The following GPR155 variants were observed in gnomAD, a reference collection of about 807,000 sequenced individuals.
The protein encoded by GPR155 is G protein-coupled receptor 155.
GPR155 carries 65 observed loss-of-function variants against 93.1 expected under a neutral mutation model. The ratio of observed to expected loss-of-function variants is 0.70; its 90% CI spans 0.57 to 0.86. GPR155 has a LOEUF of 0.86. GPR155 is among the 40% of genes least tolerant of loss of function. The pLI is 0.00. For synonymous variants in GPR155, 319 were observed against 360.1 expected (o/e 0.89, Z 1.29); for missense variants, 838 against 1,034.8 (o/e 0.81, Z 2.61).
chr2:174,482,384 C>T (rs191433007), intron 1 of GPR155, among the ~76,000 whole-genome samples: 4 of 152,272 alleles, frequency 2.6e-5, no homozygotes, highest in African/African-American at 9.6e-5. Context: ...CACACATAGT[C>T]TCCGCTGAAT....
chr2:174,451,495 C>T (rs185575605), intron 11 of GPR155, among the ~76,000 whole-genome samples: 28 of 151,972 alleles, frequency 1.8e-4, no homozygotes, highest in Non-Finnish European at 3.1e-4. Context: ...TCTAATTTGC[C>T]CATGGTTTAA....
At chr2:174,480,811 C>G (rs1392517011) in intron 2 of GPR155, among the ~76,000 whole-genome samples, 3 of 151,980 alleles carry the variant, frequency 2.0e-5, no homozygotes, top group African/African-American at 7.3e-5. Context: ...ACTCTGTCAC[C>G]CAGGCTGGAG....
At chr2:174,469,940 C>A (rs1174718453) in intron 4 of GPR155, among the ~76,000 whole-genome samples, 1 of 152,192 alleles carries the variant, frequency 6.6e-6, no homozygotes, top group Non-Finnish European at 1.5e-5. Flanking sequence ...TAACTCACTG[C>A]AACCTCTGCC....
At chr2:174,465,065 T>A (rs957589865) in intron 7 of GPR155, among the ~76,000 whole-genome samples, 1 of 152,224 alleles carries the variant, frequency 6.6e-6, no homozygotes, top group African/African-American at 2.4e-5. Context: ...CCAGAATGCA[T>A]GCATCCACAT....
In GPR155 at chr2:174,460,029, C is replaced by T. The variant is rs1227198877; in HGVS notation, c.1620G>A (p.Met540Ile). The change falls in exon 10 of 16, where the codon ATG becomes ATA. Residue 540 changes from methionine (M) to isoleucine (I), a missense_variant. Around this residue, in one of 3 missense-constraint regions of GPR155, gnomAD observed 663 missense variants for 790.1 expected, o/e 0.84. Transcript: ENST00000392552. ...CSILIAGISL[M>I]CMNQTAQAGS... ...CTGCTTGGGCAGTCTGGTTCATGCA[C>T]ATGAGGGATATGCCAGCTATCAGGA... The T allele has an allele frequency of 6.2e-7, 1 of 1,613,522 alleles. No individual in the cohort carries two copies. The highest frequency in any genetic ancestry group is 8.5e-7 in the Non-Finnish European group (1 of 1,179,990).
intron 3 of GPR155, among the ~76,000 whole-genome samples, chr2:174,471,568 A>G (rs939519784): frequency 4.6e-5 from 7 of 152,068 alleles, no homozygotes; most frequent in African/African-American, 1.4e-4. Flanking sequence ...ATTATTAAAC[A>G]AATTTTTCAG....
chr2:174,456,571 A>C (rs1187037839), intron 10 of GPR155, among the ~76,000 whole-genome samples: 1 of 152,184 alleles, frequency 6.6e-6, no homozygotes, highest in African/African-American at 2.4e-5. Flanking sequence ...CCAAAGTGCT[A>C]GAATTACAGG....
intron 1 of GPR155, among the ~76,000 whole-genome samples, chr2:174,485,430 C>T (rs1440201978): frequency 6.6e-6 from 1 of 152,112 alleles, no homozygotes; most frequent in East Asian, 1.9e-4. Flanking sequence ...AACCCTGTCT[C>T]TACTAAAAAG....
intron 5 of GPR155, among the ~76,000 whole-genome samples, 172 bp from the exon 6 acceptor site, chr2:174,466,799 T>C (rs1399806949): frequency 6.6e-6 from 1 of 152,190 alleles, no homozygotes; most frequent in Non-Finnish European, 1.5e-5. Context: ...TTATAACCAA[T>C]GTAAAATAAC....
chr2:174,454,809 G>GA (rs1687456848), intron 10 of GPR155, among the ~76,000 whole-genome samples: 9 of 150,206 alleles, frequency 6.0e-5, no homozygotes, highest in African/African-American at 2.0e-4. Context: ...GAAGGGAAGG[G>GA]AAGGAAGGGA....
intron 13 of GPR155, 108 bp from the exon 14 acceptor site, chr2:174,442,291 T>G: frequency 1.5e-6 from 1 of 651,604 alleles, no homozygotes; most frequent in Non-Finnish European, 2.8e-6. Flanking sequence ...AAACCTATAG[T>G]GACAAGAGCA....
At chr2:174,447,333 A>C (rs1040374068) in intron 11 of GPR155, among the ~76,000 whole-genome samples, 2 of 147,984 alleles carry the variant, frequency 1.4e-5, no homozygotes, top group African/African-American at 2.5e-5. Context: ...AATTAAAAAA[A>C]ATAATAAAAA....
chr2:174,458,191 G>T (rs1271207355), intron 10 of GPR155, among the ~76,000 whole-genome samples: 1 of 152,154 alleles, frequency 6.6e-6, no homozygotes, highest in African/African-American at 2.4e-5. Context: ...AGAATTAAAA[G>T]TTTCTTTTCT....
In GPR155 at chr2:174,446,698, C is replaced by A. The variant is rs768095783; in HGVS notation, c.1926G>T (p.Gln642His). Residue 642 changes from glutamine to histidine, a missense_variant, in exon 12 of 16, where the codon CAG (glutamine) becomes CAT (histidine). Gln to His is a conservative substitution (Grantham distance 24). Around this residue, in one of 3 missense-constraint regions of GPR155, gnomAD observed 663 missense variants for 790.1 expected, o/e 0.84. Coordinates refer to ENST00000392552, the MANE Select transcript of GPR155 (RefSeq NM_152529.7). ...RCNSQSCILA[Q>H]EEEQYLQSGD... Reference sequence around the variant, plus strand: ...CACTCTGTAGATACTGTTCTTCTTCCTGGGCTAATATGCAGCTCTGGGAGT... The same window carrying A: ...CACTCTGTAGATACTGTTCTTCTTCATGGGCTAATATGCAGCTCTGGGAGT... The A allele has an allele frequency of 6.2e-7, 1 of 1,613,942 alleles. No individual in the cohort carries two copies. Among genetic ancestry groups the A allele is most frequent in the Non-Finnish European group, 8.5e-7 (1 of 1,179,816 alleles).
intron 12 of GPR155, among the ~76,000 whole-genome samples, chr2:174,446,074 A>T (rs997475865): frequency 1.8e-4 from 28 of 152,004 alleles, no homozygotes; most frequent in South Asian, 6.2e-4. Flanking sequence ...TGGGAGGCTA[A>T]GGAGGGTGGA....
intron 11 of GPR155, among the ~76,000 whole-genome samples, chr2:174,452,880 G>C (rs948168749): frequency 6.6e-6 from 1 of 152,148 alleles, no homozygotes; most frequent in African/African-American, 2.4e-5. Context: ...TCGAACTCCT[G>C]ACCTTGTGAT....
At chr2:174,458,961 G>A (rs987237191) in intron 10 of GPR155, among the ~76,000 whole-genome samples, 1 of 151,974 alleles carries the variant, frequency 6.6e-6, no homozygotes, top group Non-Finnish European at 1.5e-5. Flanking sequence ...GGTGGCGTGC[G>A]ACTGTAGTCT....
rs1687922230 is a variant in GPR155, at chr2:174,469,135, C to T, written c.1027-68G>A. On this transcript the variant is annotated intron_variant, in intron 4 of 15. Transcript: ENST00000392552. ...AACAGTATTTTAAACTTTAAATAAC[C>T]ACGGCACACTAAAGCATTCTAAAAT... is the stretch of plus-strand genomic sequence containing the variant. 6.7e-6 allele frequency: 9 copies of T among 1,340,150 alleles called. No homozygotes were observed. In the Admixed American group the frequency reaches 1.6e-4, roughly 24 times the overall value. The allele number at this position is 1,340,150 out of a possible 1,614,324, so 83.0% of individuals were successfully genotyped here. A position where few individuals can be genotyped will look rare whatever the true frequency, so the allele number is the denominator to read the frequency against.
In GPR155 at chr2:174,446,711, C is replaced by A. The variant is rs533296975; in HGVS notation, c.1913G>T (p.Cys638Phe). The A allele has an allele frequency of 6.2e-7, 1 of 1,613,638 alleles. No individual in the cohort carries two copies. Among genetic ancestry groups the A allele is most frequent in the Admixed American group, 1.7e-5 (1 of 60,008 alleles). The change falls in exon 12 of 16, where the codon TGC (cysteine) becomes TTC (phenylalanine). Residue 638 changes from cysteine to phenylalanine, a missense_variant. Cys to Phe is a radical substitution (Grantham distance 205). Around this residue, in one of 3 missense-constraint regions of GPR155, gnomAD observed 663 missense variants for 790.1 expected, o/e 0.84. Transcript: ENST00000392552. ...HCVSRCNSQS[C>F]ILAQEEEQYL... ...CTGTTCTTCTTCCTGGGCTAATATGCAGCTCTGGGAGTTACAGCGACTCAC... is the reference window on the plus strand; with the variant it reads ...CTGTTCTTCTTCCTGGGCTAATATGAAGCTCTGGGAGTTACAGCGACTCAC...
Sources: allele counts gnomAD v4.1 joint callset (sites outside exome capture counted in the v4.1 genomes callset), GRCh38; gene constraint gnomAD v4.1.1; regional missense constraint gnomAD v4.1.1; transcripts MANE v1.5; gene names NCBI Gene and HGNC (gene_info 2026-07-23, HGNC 2026-07-21).